Variants in PHACTR1 observed in about 807,000 individuals in gnomAD.
PHACTR1 encodes the protein phosphatase and actin regulator 1.
In PHACTR1, 16 loss-of-function variants were observed where a neutral mutation model predicts 69.2. That is an observed-to-expected ratio of 0.23 (90% CI 0.16 to 0.35). The LOEUF (loss-of-function observed/expected upper bound fraction) is 0.35, where lower values mean the gene tolerates loss of function less well. PHACTR1 is among the 10% of genes least tolerant of loss of function. The pLI is 1.00. For missense variants in PHACTR1, 510 were observed against 734.7 expected, an observed-to-expected ratio of 0.69 and a Z score of 3.54; for synonymous variants, 312 against 284.5, an observed-to-expected ratio of 1.10 and a Z score of -0.97.
intron 4 of PHACTR1, among the ~76,000 whole-genome samples, chr6:12,780,664 A>G (rs1055921300): frequency 2.0e-5 from 3 of 152,200 alleles, no homozygotes; most frequent in Non-Finnish European, 4.4e-5. Context: ...TGCTCAAACC[A>G]GGTGCTTTTG....
At chr6:12,718,537 G>GT in intron 2 of PHACTR1, 162 bp from the exon 3 acceptor site, 1 of 328,818 alleles carries the variant, frequency 3.0e-6, no homozygotes, top group Non-Finnish European at 5.5e-6. Context: ...TTCTCACACG[G>GT]TAGGAAAGCT....
chr6:12,884,586 A>G (rs1783446526), intron 4 of PHACTR1, among the ~76,000 whole-genome samples: 1 of 152,070 alleles, frequency 6.6e-6, no homozygotes, highest in Non-Finnish European at 1.5e-5. Context: ...TATTTTTAGT[A>G]GAGACAGGGT....
At chr6:12,941,367 T>A (rs897642001) in intron 4 of PHACTR1, among the ~76,000 whole-genome samples, 3 of 152,176 alleles carry the variant, frequency 2.0e-5, no homozygotes, top group South Asian at 2.1e-4. Context: ...GGCCATTTGT[T>A]ATGGCATAAA....
intron 8 of PHACTR1, among the ~76,000 whole-genome samples, chr6:13,210,174 AT>A (rs886869841): frequency 5.9e-5 from 9 of 151,280 alleles, no homozygotes; most frequent in Admixed American, 1.3e-4. Context: ...TGCCCAGTTA[AT>A]TTTTTTTTAT....
intron 10 of PHACTR1, among the ~76,000 whole-genome samples, chr6:13,248,683 A>C (rs1427504175): frequency 6.6e-6 from 1 of 152,154 alleles, no homozygotes; most frequent in East Asian, 1.9e-4. Context: ...CAATTAGTAG[A>C]CGGGGCAATA....
chr6:13,072,209 A>G (rs6458615), intron 5 of PHACTR1, among the ~76,000 whole-genome samples: 2,580 of 152,264 alleles, frequency 0.017, 67 homozygotes, highest in African/African-American at 0.056. Context: ...ATCTGTTTCC[A>G]GTAGTTCTGA....
intron 4 of PHACTR1, among the ~76,000 whole-genome samples, chr6:12,994,952 A>G (rs9381614): frequency 1.3e-5 from 2 of 152,306 alleles, no homozygotes; most frequent in East Asian, 3.9e-4. Context: ...TGTTAATCAT[A>G]GACCCTCACT....
At chr6:12,954,045 A>G (rs755367822) in intron 4 of PHACTR1, among the ~76,000 whole-genome samples, 10 of 152,330 alleles carry the variant, frequency 6.6e-5, no homozygotes, top group Non-Finnish European at 1.3e-4. Context: ...AAGATTAGGA[A>G]AAACTACAGG....
intron 5 of PHACTR1, among the ~76,000 whole-genome samples, chr6:13,112,850 T>G (rs1168862096): frequency 6.6e-6 from 1 of 152,230 alleles, no homozygotes; most frequent in Non-Finnish European, 1.5e-5. Flanking sequence ...GATAGTTTCT[T>G]TTGCTGTGCA....
chr6:13,069,255 G>T lies in PHACTR1; in HGVS notation c.415+15726G>T, dbSNP rs933031648. Among the ~76,000 whole-genome samples, 7 of 152,104 alleles carry T rather than the reference G, an allele frequency of 4.6e-5. No homozygotes were observed. The East Asian group carries it at 1.3e-3, about 29-fold the overall frequency. The stretch of plus-strand genomic sequence containing the variant: ...TTGAATTTCTTTGTTCCCAGTCCTC[G>T]CACTGTTTCTGCCACCTCTCTTGCA... On this transcript the variant is annotated intron_variant, in intron 5 of 14. Transcript: ENST00000332995.
chr6:13,057,371 A>C (rs1806959861), intron 5 of PHACTR1, among the ~76,000 whole-genome samples: 1 of 152,232 alleles, frequency 6.6e-6, no homozygotes, highest in Admixed American at 6.5e-5. Context: ...ATATCCTTTC[A>C]TATGTACAAT....
intron 4 of PHACTR1, among the ~76,000 whole-genome samples, chr6:12,828,663 A>G (rs1225683158): frequency 6.6e-6 from 1 of 152,028 alleles, no homozygotes; most frequent in East Asian, 1.9e-4. Flanking sequence ...CTGTTTCTTT[A>G]TCTTCGTTTT....
chr6:13,064,240 C>T (rs1808139525), intron 5 of PHACTR1, among the ~76,000 whole-genome samples: 1 of 151,758 alleles, frequency 6.6e-6, no homozygotes, highest in East Asian at 1.9e-4. Flanking sequence ...AGACTGTGAA[C>T]AGATCCAAGA....
chr6:12,983,618 C>T (rs1405426834), intron 4 of PHACTR1, among the ~76,000 whole-genome samples: 1 of 151,902 alleles, frequency 6.6e-6, no homozygotes, highest in Non-Finnish European at 1.5e-5. Flanking sequence ...ACATATGTAT[C>T]CATGTGCCAT....
chr6:13,035,399 T>A (rs1803156323), intron 4 of PHACTR1, among the ~76,000 whole-genome samples: 1 of 149,810 alleles, frequency 6.7e-6, no homozygotes, highest in African/African-American at 2.4e-5. Context: ...CTTTTCAAAA[T>A]ATAAATATTC....
chr6:13,194,133 G>A (rs764254044), intron 7 of PHACTR1, among the ~76,000 whole-genome samples: 4 of 152,190 alleles, frequency 2.6e-5, no homozygotes, highest in African/African-American at 4.8e-5. Context: ...GGCTGGGCGC[G>A]ATGGCTCACG....
At position 13,053,387 on chromosome 6, in the gene PHACTR1, G is replaced by A. The variant is rs762202612; in HGVS notation, c.273G>A (p.Ala91=). ...AAGCTGAGGAAGTGGAGAGGCTGGC[G>A]GCGATGCGTTCTGACTCCCTCGTCC... ...LGAAEEVERL[A]AMRSDSLVPG... is the part of the protein sequence containing the mutation. Residue 91 remains alanine (A), a synonymous_variant, in exon 5 of 15, where the codon GCG becomes GCA. Transcript: ENST00000332995. 9 of 1,610,366 alleles carry A rather than the reference G, an allele frequency of 5.6e-6. No homozygotes were observed. The Admixed American group carries it at 1.0e-4, about 18-fold the overall frequency.
intron 7 of PHACTR1, 33 bp downstream of exon 7, chr6:13,182,719 C>T: frequency 6.7e-7 from 1 of 1,483,760 alleles, no homozygotes; most frequent in Non-Finnish European, 8.9e-7. Flanking sequence ...GAGCAGGTCC[C>T]AGACACCAAG....
At chr6:13,093,700 C>T (rs1813662931) in intron 5 of PHACTR1, among the ~76,000 whole-genome samples, 1 of 152,088 alleles carries the variant, frequency 6.6e-6, no homozygotes, top group Admixed American at 6.6e-5. Context: ...GGTTCTAGTC[C>T]AGTTCTTTAT....
Sources: allele counts gnomAD v4.1 joint callset (sites outside exome capture counted in the v4.1 genomes callset), GRCh38; gene constraint gnomAD v4.1.1; transcripts MANE v1.5; gene names NCBI Gene and HGNC (gene_info 2026-07-23, HGNC 2026-07-21).